The following GLRA3 variants were observed in gnomAD, a reference collection of about 807,000 sequenced individuals.
The protein encoded by GLRA3 is glycine receptor subunit alpha-3.
In GLRA3, 44 loss-of-function variants were observed where a neutral mutation model predicts 60.4. The ratio of observed to expected loss-of-function variants is 0.73; its 90% CI spans 0.57 to 0.94. The LOEUF is 0.94. Among genes scored for constraint, GLRA3 ranks in the 40% least tolerant of loss-of-function variants. The pLI is 0.00. For synonymous variants in GLRA3, 223 were observed against 192.9 expected, an observed-to-expected ratio of 1.16 and a Z score of -1.29; for missense variants, 508 against 564.6, an observed-to-expected ratio of 0.90 and a Z score of 1.02.
At chr4:174,762,276 C>T (rs1362479229) in intron 3 of GLRA3, among the ~76,000 whole-genome samples, 1 of 152,012 alleles carries the variant, frequency 6.6e-6, no homozygotes, top group Admixed American at 6.6e-5. Context: ...TTTCTTGCTT[C>T]TGTCATAGTT....
rs528237444 is a variant in GLRA3 at position 174,804,074 on chromosome 4, T to C, written c.72-15131A>G. ...TTATATTGTTTTGTATTTAACAGTT[T>C]GGTTTTGGTTTTGGTATACTAAGCA... On this transcript the variant is annotated intron_variant, in intron 1 of 9. Transcript: ENST00000274093. Among the ~76,000 whole-genome samples, 19 of 152,286 alleles carry C rather than the reference T, an allele frequency of 1.2e-4. No homozygotes were observed. The South Asian group carries it at 3.9e-3, about 32-fold the overall frequency.
At chr4:174,818,950 C>T (rs543106655) in intron 1 of GLRA3, among the ~76,000 whole-genome samples, 29 of 152,302 alleles carry the variant, frequency 1.9e-4, no homozygotes, top group South Asian at 4.1e-4. Context: ...GGCAGATTGT[C>T]TCTAAGTTCT....
At chr4:174,647,134 C>A (rs1033495445) in intron 9 of GLRA3, among the ~76,000 whole-genome samples, 1 of 152,088 alleles carries the variant, frequency 6.6e-6, no homozygotes, top group South Asian at 2.1e-4. Context: ...GGGCTGGGGG[C>A]GGAGGCTCAC....
At position 174,811,302 on chromosome 4, in the gene GLRA3, T is replaced by C. The variant is rs1740264034; in HGVS notation, c.71+17439A>G. Among the ~76,000 whole-genome samples the C allele has an allele frequency of 2.0e-5, 3 of 151,520 alleles. No homozygotes were observed. The South Asian group carries it at 6.2e-4, about 32-fold the overall frequency. On this transcript the variant is annotated intron_variant, in intron 1 of 9. Transcript: ENST00000274093. ...CGTTCAGCTACCAATAAAATCAAAA[T>C]TTGGAAGGTAAAATTTTCTTGGAAT...
intron 4 of GLRA3, among the ~76,000 whole-genome samples, chr4:174,718,357 C>G (rs1561075112): frequency 6.6e-6 from 1 of 152,206 alleles, no homozygotes; most frequent in Admixed American, 6.5e-5. Context: ...AAGAGAGACA[C>G]TAAGTTCTCT....
intron 1 of GLRA3, among the ~76,000 whole-genome samples, chr4:174,825,021 T>C (rs987197921): frequency 6.6e-6 from 1 of 152,066 alleles, no homozygotes; most frequent in Non-Finnish European, 1.5e-5. Flanking sequence ...AAAAACTATA[T>C]AGAAGAGGAA....
At chr4:174,658,995 C>A in intron 8 of GLRA3, 59 bp downstream of exon 8, 1 of 1,439,616 alleles carries the variant, frequency 6.9e-7, no homozygotes, top group South Asian at 1.2e-5. Flanking sequence ...TTAAATACAA[C>A]AAATTCACTT....
chr4:174,779,310 C>G (rs889018539), intron 2 of GLRA3, among the ~76,000 whole-genome samples: 1 of 152,140 alleles, frequency 6.6e-6, no homozygotes, highest in Non-Finnish European at 1.5e-5. Flanking sequence ...AAAAACCCAT[C>G]TGTACATCAC....
At chr4:174,779,847 T>A (rs1413460473) in intron 2 of GLRA3, among the ~76,000 whole-genome samples, 2 of 151,926 alleles carry the variant, frequency 1.3e-5, no homozygotes, top group Non-Finnish European at 2.9e-5. Flanking sequence ...TTGGTGTACC[T>A]GAAAGTGATG....
chr4:174,684,774 G>A (rs182445354), intron 5 of GLRA3, among the ~76,000 whole-genome samples: 39 of 152,290 alleles, frequency 2.6e-4, no homozygotes, highest in Admixed American at 2.2e-3. Flanking sequence ...TTGGAAGGCC[G>A]AGGCGGGCCG....
intron 6 of GLRA3, among the ~76,000 whole-genome samples, chr4:174,680,232 T>C (rs1164159839): frequency 6.6e-6 from 1 of 152,052 alleles, no homozygotes; most frequent in Admixed American, 6.6e-5. Context: ...TGCTTGTACA[T>C]AAATAAATAT....
intron 1 of GLRA3, among the ~76,000 whole-genome samples, chr4:174,798,586 G>T (rs1173794150): frequency 1.3e-5 from 2 of 151,944 alleles, no homozygotes; most frequent in Non-Finnish European, 2.9e-5. Context: ...TTAATTTTTG[G>T]ACATTAATAA....
At chr4:174,712,539 C>A (rs1259366011) in intron 5 of GLRA3, 1 of 152,154 alleles carries the variant, frequency 6.6e-6, no homozygotes, top group African/African-American at 2.4e-5. Context: ...ATTTATTGAA[C>A]TTTTACTGAA....
intron 1 of GLRA3, among the ~76,000 whole-genome samples, chr4:174,823,220 TA>T (rs1292271529): frequency 7.4e-6 from 1 of 135,252 alleles, no homozygotes. Flanking sequence ...ATCCACCTAA[TA>T]AAAAAACAAA....
At chr4:174,725,901 C>T (rs1736303944) in intron 4 of GLRA3, among the ~76,000 whole-genome samples, 1 of 152,174 alleles carries the variant, frequency 6.6e-6, no homozygotes, top group Non-Finnish European at 1.5e-5. Context: ...TTGGTTGAAG[C>T]CTAGACATAT....
chr4:174,739,195 G>A (rs944335814), intron 3 of GLRA3, among the ~76,000 whole-genome samples: 14 of 152,214 alleles, frequency 9.2e-5, no homozygotes, highest in African/African-American at 3.1e-4. Flanking sequence ...TTGACTCTGG[G>A]AGCAGGTAGC....
rs896106370 is a variant in GLRA3, at chr4:174,640,675, C to T, written c.*3111G>A. The T allele has an allele frequency of 2.0e-5, 3 of 151,664 alleles. No individual in the cohort carries two copies. Among genetic ancestry groups the T allele is most frequent in the Admixed American group, 2.0e-4 (3 of 15,168 alleles). 9.4% of individuals were successfully genotyped at this position (151,664 alleles called of 1,614,324 possible). ...ATTTTTTTTTCTAAAATTTCCCTTA[C>T]CTTCCATGAGATCCTGGGTATTCAT... On this transcript the variant is annotated 3_prime_UTR_variant, in exon 10 of 10. Transcript: ENST00000274093.
intron 2 of GLRA3, among the ~76,000 whole-genome samples, chr4:174,784,508 C>T (rs1339029483): frequency 6.7e-6 from 1 of 149,472 alleles, no homozygotes; most frequent in Non-Finnish European, 1.5e-5. Context: ...ACACAAAGAA[C>T]CCCTAATAAC....
Position 174,641,016 on chromosome 4 carries a change from T to C in GLRA3, c.*2770A>G, listed in dbSNP as rs1287302466. On this transcript the variant is annotated 3_prime_UTR_variant, in exon 10 of 10. Coordinates refer to ENST00000274093, the MANE Select transcript of GLRA3 (RefSeq NM_006529.4). ...ATGGTTTAAGTTCAATTCTAATGGT[T>C]GGGAAAGAAAGAAAAGGTTGGGCAC... is the stretch of plus-strand genomic sequence containing the variant. 6.6e-6 allele frequency: 1 copy of C among 152,010 alleles called. No homozygotes were observed. Among genetic ancestry groups the C allele is most frequent in the East Asian group, 1.9e-4 (1 of 5,186 alleles). 9.4% of individuals were successfully genotyped at this position (152,010 alleles called of 1,614,324 possible).
Sources: allele counts gnomAD v4.1 joint callset (sites outside exome capture counted in the v4.1 genomes callset), GRCh38; gene constraint gnomAD v4.1.1; transcripts MANE v1.5; gene names NCBI Gene and HGNC (gene_info 2026-07-23, HGNC 2026-07-21).